Variants in PLA2G6 observed in about 807,000 individuals in gnomAD.
The protein encoded by PLA2G6 is phospholipase A2 group VI, also known as 85/88 kDa calcium-independent phospholipase A2.
Under a neutral mutation model 83.8 loss-of-function variants are expected in PLA2G6, and 62 were observed. That is an observed-to-expected ratio of 0.74 (90% CI 0.60 to 0.91). The LOEUF is 0.91. PLA2G6 is among the 40% of genes least tolerant of loss of function. The probability of loss-of-function intolerance (pLI) is 0.00; values close to 1 mark genes in which losing one functional copy is unlikely to be tolerated. For missense variants in PLA2G6, 944 were observed against 1,102.0 expected, an observed-to-expected ratio of 0.86 and a Z score of 2.03; for synonymous variants, 417 against 449.8, an observed-to-expected ratio of 0.93 and a Z score of 0.92.
At chr22:38,124,236 A>G (rs888812759) in intron 10 of PLA2G6, among the ~76,000 whole-genome samples, 3 of 151,528 alleles carry the variant, frequency 2.0e-5, no homozygotes, top group Non-Finnish European at 2.9e-5. Context: ...CAACCTTCTG[A>G]GCTCAAGTGA....
At position 38,120,891 on chromosome 22, in the gene PLA2G6, A is replaced by G. The variant is rs769122831; in HGVS notation, c.1610T>C (p.Met537Thr). 4 of 1,613,564 alleles carry G rather than the reference A, an allele frequency of 2.5e-6. No homozygotes were observed. The highest frequency in any genetic ancestry group is 2.2e-5 in the East Asian group (1 of 44,884). ...AILHSKSMAY[M>T]RGMYFRMKDE... ...CTTCATGCGAAAGTACATGCCGCGC[A>G]TGTAGGCCATGGACTTACCTAGGAA... is the stretch of plus-strand genomic sequence containing the variant. The change falls in exon 12 of 17, where the codon ATG becomes ACG. Residue 537 changes from methionine to threonine, a missense_variant. Met to Thr is a moderately conservative substitution (Grantham distance 81, BLOSUM62 -1). Transcript: ENST00000332509.
At chr22:38,119,591 C>T (rs2087406394) in intron 12 of PLA2G6, among the ~76,000 whole-genome samples, 1 of 152,034 alleles carries the variant, frequency 6.6e-6, no homozygotes, top group Non-Finnish European at 1.5e-5. Context: ...AATGGGAAAC[C>T]AAGGCGGGAG....
Position 38,111,836 on chromosome 22 carries a change from T to TG in PLA2G6, c.*324dup, listed in dbSNP as rs1221582178. The TG allele has an allele frequency of 1.5e-5, 6 of 391,446 alleles. No individual in the cohort carries two copies. The highest frequency in any genetic ancestry group is 2.9e-5 in the Non-Finnish European group (6 of 204,986). 24.2% of individuals were successfully genotyped at this position (391,446 alleles called of 1,614,324 possible). On this transcript the variant is annotated 3_prime_UTR_variant, in exon 17 of 17. Coordinates refer to ENST00000332509, the MANE Select transcript of PLA2G6 (RefSeq NM_003560.4). ...GGCAGGCCCTCAGGGAGGCTGGGGC[T>TG]GGGGGCAGGGGTACGGTTGTGCCCG...
intron 2 of PLA2G6, chr22:38,148,734 C>G: frequency 1.9e-6 from 1 of 532,256 alleles, no homozygotes; most frequent in Non-Finnish European, 3.3e-6. Flanking sequence ...CTCACAGAGA[C>G]CACAGTTCAG....
intron 2 of PLA2G6, among the ~76,000 whole-genome samples, chr22:38,153,512 T>C (rs547430248): frequency 1.3e-5 from 2 of 151,838 alleles, no homozygotes; most frequent in Non-Finnish European, 2.9e-5. Context: ...GGCAGGCACC[T>C]GTAATCCCAG....
At chr22:38,139,884 A>C in intron 5 of PLA2G6, 98 bp downstream of exon 5, 4 of 972,946 alleles carry the variant, frequency 4.1e-6, no homozygotes, top group Non-Finnish European at 6.4e-6. Context: ...TGGAGATGCT[A>C]AGATCTATGG....
At chr22:38,140,553 G>C (rs1394990356) in intron 4 of PLA2G6, 5 of 279,334 alleles carry the variant, frequency 1.8e-5, no homozygotes, top group Non-Finnish European at 3.5e-5. Flanking sequence ...CCAAGTGCCA[G>C]TGTGGATGGG....
intron 13 of PLA2G6, 175 bp downstream of exon 13, chr22:38,115,900 G>T (rs1385311742): frequency 6.8e-7 from 1 of 1,468,756 alleles, no homozygotes; most frequent in African/African-American, 1.4e-5. Context: ...TTTCTAACCT[G>T]CCAGGGGCCT....
intron 16 of PLA2G6, 23 bp downstream of exon 16, chr22:38,112,481 G>T: frequency 6.5e-7 from 1 of 1,546,720 alleles, no homozygotes; most frequent in Non-Finnish European, 8.7e-7. Context: ...CGGGGCCAAG[G>T]GCTGGGGCGG....
At chr22:38,167,397 T>C (rs1020592032) in intron 2 of PLA2G6, among the ~76,000 whole-genome samples, 2 of 152,060 alleles carry the variant, frequency 1.3e-5, no homozygotes, top group East Asian at 3.9e-4. Flanking sequence ...TGTCAAGGGA[T>C]TTTACAACTG....
intron 15 of PLA2G6, 148 bp downstream of exon 15, chr22:38,113,339 G>A: frequency 1.2e-6 from 1 of 806,242 alleles, no homozygotes; most frequent in South Asian, 1.5e-5. Flanking sequence ...TCTGAACTGT[G>A]GACTCTCTCT....
intron 12 of PLA2G6, among the ~76,000 whole-genome samples, chr22:38,120,538 G>T (rs535449586): frequency 1.8e-4 from 27 of 152,368 alleles, no homozygotes; most frequent in Non-Finnish European, 3.4e-4. Context: ...GGCAGAGCCA[G>T]GCCCACCAGG....
chr22:38,118,856 T>C (rs1267786330), intron 12 of PLA2G6, among the ~76,000 whole-genome samples: 2 of 151,774 alleles, frequency 1.3e-5, no homozygotes, highest in African/African-American at 4.8e-5. Context: ...GGGGCTCAAG[T>C]GATCCTCCCA....
In PLA2G6 at chr22:38,115,584, G is replaced by A. The variant is rs201727354; in HGVS notation, c.1977C>T (p.Asn659=). The A allele has an allele frequency of 1.3e-5, 21 of 1,613,420 alleles. No homozygotes were observed. The Admixed American group carries it at 3.3e-4, about 26-fold the overall frequency. Reference sequence around the variant, plus strand: ...TCTCGGTCATGGCATCCAGCGTGGGGTTGTTGGCCAGCAGCCCACCGTCCA... The same window carrying A: ...TCTCGGTCATGGCATCCAGCGTGGGATTGTTGGCCAGCAGCCCACCGTCCA... The part of the protein sequence containing the change: ...RFLDGGLLAN[N]PTLDAMTEIH... The change falls in exon 14 of 17, where the codon AAC becomes AAT. Residue 659 remains asparagine (N), a synonymous_variant. Coordinates refer to ENST00000332509, the MANE Select transcript of PLA2G6 (RefSeq NM_003560.4).
rs111624359 is a variant in PLA2G6, at chr22:38,113,201, G to A, written c.2202+286C>T. On this transcript the variant is annotated intron_variant, in intron 15 of 16. Transcript: ENST00000332509. ...GGATTACAGGGTGAGCGCCCAGCCC[G>A]CTCTGGAGCCTTTGTCCATTCTGGG... 3.2e-3 allele frequency among the ~76,000 whole-genome samples: 491 copies of A among 152,218 alleles called. 3 individuals are homozygous for A. Among genetic ancestry groups the A allele is most frequent in the African/African-American group, 0.011 (458 of 41,546 alleles).
At chr22:38,149,675 G>T (rs775474127) in intron 2 of PLA2G6, 1 of 152,160 alleles carries the variant, frequency 6.6e-6, no homozygotes, top group Non-Finnish European at 1.5e-5. Context: ...AGGCACAGTG[G>T]CTCATACCTG....
rs769384398 is a variant in PLA2G6, at chr22:38,128,264, C to A, written c.1348+5G>T. 6.2e-7 allele frequency: 1 copy of A among 1,612,240 alleles called. No homozygotes were observed. Among genetic ancestry groups the A allele is most frequent in the East Asian group, 2.2e-5 (1 of 44,884 alleles). ...GAGAAGAGGGAGTCGGGAGGCGAGGCCTACCTAGGTTGTTTAGGCTGATCG... is the reference window on the plus strand; with the variant it reads ...GAGAAGAGGGAGTCGGGAGGCGAGGACTACCTAGGTTGTTTAGGCTGATCG... On this transcript the variant is annotated splice_donor_5th_base_variant and intron_variant, in intron 9 of 16. Transcript: ENST00000332509. The surrounding 1 kb of genome is among the most constrained non-coding windows in gnomAD (Gnocchi z 4.4).
In PLA2G6 at chr22:38,140,169, G is replaced by A. The variant is rs2088815149; in HGVS notation, c.610C>T (p.Leu204Phe). 1 of 1,613,978 alleles carries A rather than the reference G, an allele frequency of 6.2e-7. No individual in the cohort carries two copies. Residue 204 changes from leucine (L) to phenylalanine (F), a missense_variant and splice_region_variant, in exon 5 of 17, where the codon CTC becomes TTC. Coordinates refer to ENST00000332509, the MANE Select transcript of PLA2G6 (RefSeq NM_003560.4). The part of the protein sequence containing the change: ...VQGDNSQVLQ[L>F]LGRNAVAGLN... The stretch of plus-strand genomic sequence containing the variant: ...CCAGCCACTGCGTTCCTTCCAAGGA[G>A]CTGATGAAAGAGGAAGGGAAGTTTG...
intron 2 of PLA2G6, among the ~76,000 whole-genome samples, chr22:38,168,455 A>G (rs1279538395): frequency 1.3e-5 from 2 of 152,162 alleles, no homozygotes; most frequent in African/African-American, 2.4e-5. Context: ...CCTTCTCTTC[A>G]GGCCCAGGGG....
Sources: allele counts gnomAD v4.1 joint callset (sites outside exome capture counted in the v4.1 genomes callset), GRCh38; gene constraint gnomAD v4.1.1; non-coding constraint Gnocchi (gnomAD v3.1); transcripts MANE v1.5; gene names NCBI Gene and HGNC (gene_info 2026-07-23, HGNC 2026-07-21).